The following XPR1 variants were observed in gnomAD, a reference collection of about 807,000 sequenced individuals.
XPR1 encodes the protein xenotropic and polytropic retrovirus receptor 1.
In XPR1, 28 loss-of-function variants were observed where a neutral mutation model predicts 87.5. The observed-to-expected ratio is 0.32, with a 90% CI of 0.24 to 0.44. The LOEUF is 0.44. Among genes scored for constraint, XPR1 ranks in the 20% least tolerant of loss-of-function variants. XPR1 has a pLI of 1.00. For missense variants in XPR1, 559 were observed against 862.3 expected (o/e 0.65, Z 4.41); for synonymous variants, 300 against 306.1 (o/e 0.98, Z 0.21).
Position 180,806,160 on chromosome 1 carries a change from G to A in XPR1, c.546G>A (p.Val182=). The change falls in exon 5 of 15, where the codon GTG becomes GTA. Residue 182 remains valine (V), a synonymous_variant. Coordinates refer to ENST00000367590, the MANE Select transcript of XPR1 (RefSeq NM_004736.4). ...ATTGGCGAGTGGCTCACGTAGAGGTGGCCCCATTTTATACATGCAAGAAAA... is the reference window on the plus strand; with the variant it reads ...ATTGGCGAGTGGCTCACGTAGAGGTAGCCCCATTTTATACATGCAAGAAAA... ...GADWRVAHVE[V]APFYTCKKIN... 6.2e-7 allele frequency: 1 copy of A among 1,613,444 alleles called. No individual in the cohort carries two copies. Among genetic ancestry groups the A allele is most frequent in the South Asian group, 1.1e-5 (1 of 91,006 alleles).
At chr1:180,754,856 C>A (rs1397570171) in intron 2 of XPR1, among the ~76,000 whole-genome samples, 2 of 152,042 alleles carry the variant, frequency 1.3e-5, no homozygotes, top group Non-Finnish European at 2.9e-5. Context: ...CTTTTGTCCC[C>A]CTCACTCCCC....
At chr1:180,679,861 T>C (rs139583596) in intron 1 of XPR1, among the ~76,000 whole-genome samples, 1 of 151,786 alleles carries the variant, frequency 6.6e-6, no homozygotes, top group Non-Finnish European at 1.5e-5. Flanking sequence ...GAACTCAAAA[T>C]CACAGGCAAC....
chr1:180,811,606 G>C, intron 7 of XPR1, 118 bp downstream of exon 7: 2 of 793,262 alleles, frequency 2.5e-6, no homozygotes, highest in South Asian at 5.0e-5. Context: ...AAATCTATCA[G>C]GGCTAAGTTT....
chr1:180,861,795 G>A (rs917012771), intron 11 of XPR1, among the ~76,000 whole-genome samples: 1 of 151,990 alleles, frequency 6.6e-6, no homozygotes, highest in Non-Finnish European at 1.5e-5. Flanking sequence ...GGGATAAGGA[G>A]CATTGATTCC....
chr1:180,813,956 AT>A (rs1650315378), intron 7 of XPR1, among the ~76,000 whole-genome samples: 1 of 152,188 alleles, frequency 6.6e-6, no homozygotes, highest in East Asian at 1.9e-4. Flanking sequence ...ACTTTTAGTA[AT>A]CATAATAATG....
intron 1 of XPR1, among the ~76,000 whole-genome samples, chr1:180,647,590 G>A (rs1265860029): frequency 6.6e-6 from 1 of 152,124 alleles, no homozygotes; most frequent in Admixed American, 6.5e-5. Context: ...GTCTGAGTAG[G>A]CAAGCTTTAG....
intron 10 of XPR1, 42 bp from the exon 11 acceptor site, chr1:180,836,480 C>T: frequency 6.2e-7 from 1 of 1,610,410 alleles, no homozygotes; most frequent in Non-Finnish European, 8.5e-7. Flanking sequence ...GAACAAGTTA[C>T]TTTTTTTCAA....
At chr1:180,811,892 A>G (rs1650229634) in intron 7 of XPR1, among the ~76,000 whole-genome samples, 1 of 152,160 alleles carries the variant, frequency 6.6e-6, no homozygotes, top group East Asian at 1.9e-4. Flanking sequence ...CCTTTTCAGA[A>G]TCTATTTACA....
chr1:180,786,657 G>A (rs1278057708), intron 2 of XPR1, among the ~76,000 whole-genome samples: 1 of 152,174 alleles, frequency 6.6e-6, no homozygotes. Context: ...GCAGAAACAT[G>A]TATTGATTGG....
At chr1:180,690,617 A>C (rs1484586642) in intron 2 of XPR1, among the ~76,000 whole-genome samples, 1 of 151,932 alleles carries the variant, frequency 6.6e-6, no homozygotes, top group African/African-American at 2.4e-5. Context: ...AGTCTAATAT[A>C]GCCACTTAGT....
chr1:180,803,444 T>G lies in XPR1; in HGVS notation c.280T>G (p.Ser94Ala), dbSNP rs1649867588. ...FATLQNELQS[S>A]LDAQKESTGV... ...TACACTTCAGAATGAGCTTCAGTCA[T>G]CACTGGATGCACAGAAAGAAAGCAC... The change falls in exon 4 of 15, where the codon TCA becomes GCA. Residue 94 changes from serine to alanine, a missense_variant. Physicochemically the swap from Ser to Ala is moderately conservative, Grantham distance 99. This residue lies in a region of XPR1 where 159 missense variants were observed against 263.3 expected (regional missense o/e 0.60). Coordinates refer to ENST00000367590, the MANE Select transcript of XPR1 (RefSeq NM_004736.4). 1 of 1,613,966 alleles carries G rather than the reference T, an allele frequency of 6.2e-7. No homozygotes were observed. Among genetic ancestry groups the G allele is most frequent in the African/African-American group, 1.3e-5 (1 of 74,924 alleles).
At position 180,735,609 on chromosome 1, in the gene XPR1, C is replaced by T. The variant is rs535279299; in HGVS notation, c.122-52144C>T. Among the ~76,000 whole-genome samples, 10 of 152,222 alleles carry T rather than the reference C, an allele frequency of 6.6e-5. No homozygotes were observed. The South Asian group carries it at 2.1e-3, about 32-fold the overall frequency. On this transcript the variant is annotated intron_variant, in intron 2 of 14. Coordinates refer to ENST00000367590, the MANE Select transcript of XPR1 (RefSeq NM_004736.4). ...CTGATCAATCTGACATTCTCTTGAA[C>T]TCTATTAACTATTCCCTTCATCTAC...
rs1211058852 is a variant in XPR1, at chr1:180,855,145, GCTCTA to G, written c.1502-8557_1502-8553del. ...GAAAAGACAAATATATATTCAATTT[GCTCTA>G]CTCTAAAGTTAAATTCTTTTCACAA... On this transcript the variant is annotated intron_variant, in intron 11 of 14. Coordinates refer to ENST00000367590, the MANE Select transcript of XPR1 (RefSeq NM_004736.4). Among the ~76,000 whole-genome samples, 17 of 152,068 alleles carry G rather than the reference GCTCTA, an allele frequency of 1.1e-4. No homozygotes were observed. The East Asian group carries it at 3.1e-3, about 28-fold the overall frequency.
intron 2 of XPR1, among the ~76,000 whole-genome samples, chr1:180,734,701 C>T (rs1190971720): frequency 2.6e-5 from 4 of 152,060 alleles, no homozygotes; most frequent in Admixed American, 6.5e-5. Flanking sequence ...AAGTAATTGG[C>T]TAGAGAACAA....
chr1:180,685,449 T>A (rs1397615568), intron 2 of XPR1, among the ~76,000 whole-genome samples: 1 of 152,172 alleles, frequency 6.6e-6, no homozygotes, highest in Non-Finnish European at 1.5e-5. Flanking sequence ...AAAATTCTCT[T>A]TTTTTGTTGT....
chr1:180,854,393 G>A (rs1651967631), intron 11 of XPR1, among the ~76,000 whole-genome samples: 1 of 152,216 alleles, frequency 6.6e-6, no homozygotes, highest in Non-Finnish European at 1.5e-5. Flanking sequence ...GAAACCAAAT[G>A]TGTGGTGAGT....
At chr1:180,683,810 G>GTTGT (rs528099613) in intron 2 of XPR1, among the ~76,000 whole-genome samples, 2,523 of 145,420 alleles carry the variant, frequency 0.017, 81 homozygotes, top group African/African-American at 0.066. Context: ...TTTTGATGGG[G>GTTGT]TTGTTTTTTT....
chr1:180,874,139 C>T, intron 13 of XPR1, 197 bp downstream of exon 13: 1 of 567,478 alleles, frequency 1.8e-6, no homozygotes, highest in Non-Finnish European at 2.9e-6. Flanking sequence ...AGTTGATCCA[C>T]CCACCTCGGC....
chr1:180,656,389 A>G (rs1443372342), intron 1 of XPR1, among the ~76,000 whole-genome samples: 2 of 53,616 alleles, frequency 3.7e-5, no homozygotes, highest in African/African-American at 1.9e-4. Flanking sequence ...ATATTCATGT[A>G]TTTATATATA....
Sources: gnomAD v4.1 joint callset for allele counts (sites outside exome capture counted in the v4.1 genomes callset) on GRCh38, gnomAD v4.1.1 for gene constraint, gnomAD v4.1.1 regional missense constraint, MANE v1.5 for transcripts, NCBI Gene and HGNC (gene_info 2026-07-23, HGNC 2026-07-21) for gene names.